SERINC2: variants seen among roughly 807,000 people sequenced by gnomAD.
SERINC2 encodes serine incorporator 2, also known as tumor differentially expressed protein 2.
A neutral mutation model predicts 54.2 loss-of-function variants in SERINC2; 56 were observed. The observed-to-expected ratio is 1.03, with a 90% CI of 0.83 to 1.29. The LOEUF (loss-of-function observed/expected upper bound fraction) is 1.29. Among genes scored for constraint, SERINC2 ranks in the 50% most tolerant of loss-of-function variants. The probability of loss-of-function intolerance (pLI) is 0.00; values close to 1 mark genes in which losing one functional copy is unlikely to be tolerated. For missense variants in SERINC2, 614 were observed against 607.4 expected, an observed-to-expected ratio of 1.01 and a Z score of -0.12; for synonymous variants, 272 against 253.1, an observed-to-expected ratio of 1.07 and a Z score of -0.71.
intron 1 of SERINC2, among the ~76,000 whole-genome samples, chr1:31,418,992 G>A (rs1640843874): frequency 6.6e-6 from 1 of 152,254 alleles, no homozygotes; most frequent in African/African-American, 2.4e-5. Context: ...CCTTGCAGCT[G>A]TAAGGCTCTG....
chr1:31,410,876 T>C (rs191365946), upstream of SERINC2, among the ~76,000 whole-genome samples: 182 of 152,250 alleles, frequency 1.2e-3, 1 homozygote, highest in African/African-American at 4.2e-3. Context: ...AGAGCAGAAG[T>C]GTCCAAGGGA....
intron 1 of SERINC2, among the ~76,000 whole-genome samples, chr1:31,418,406 A>G (rs1449114281): frequency 2.6e-5 from 4 of 151,444 alleles, no homozygotes; most frequent in Non-Finnish European, 5.9e-5. Context: ...AGACGAACTC[A>G]TGCTCTGTCA....
At chr1:31,431,832 T>TAGGGTGGATAGGGTGGAC (rs1557499963) in intron 8 of SERINC2, among the ~76,000 whole-genome samples, 1 of 28,046 alleles carries the variant, frequency 3.6e-5, no homozygotes, top group Admixed American at 4.7e-4. Context: ...ATAGGGTGGA[T>TAGGGTGGATAGGGTGGAC]AGGGTGGATA....
rs149573156 is a variant in SERINC2 at position 31,433,077 on chromosome 1, G to A, written c.1124G>A (p.Arg375Gln). ...CAGCAGGTGGCAGCCTGTGAGGGCCGGGCCTTTGACAACGAGCAGGACGGC... is the reference window on the plus strand; with the variant it reads ...CAGCAGGTGGCAGCCTGTGAGGGCCAGGCCTTTGACAACGAGCAGGACGGC... Reference protein sequence around the residue: ...QQQQVAACEGRAFDNEQDGVT... With the variant: ...QQQQVAACEGQAFDNEQDGVT... The change falls in exon 9 of 10, where the codon CGG becomes CAG. Residue 375 changes from arginine to glutamine, a missense_variant. Physicochemically the swap from Arg to Gln is conservative, Grantham distance 43 (BLOSUM62 1). Transcript: ENST00000373709. 229 of 1,613,468 alleles carry A rather than the reference G, an allele frequency of 1.4e-4. No individual in the cohort carries two copies. The highest frequency in any genetic ancestry group is 4.8e-4 in the African/African-American group (36 of 75,026).
At chr1:31,431,894 A>ATAGGGTGGT (rs1641242393) in intron 8 of SERINC2, among the ~76,000 whole-genome samples, 1 of 115,914 alleles carries the variant, frequency 8.6e-6, no homozygotes, top group African/African-American at 3.4e-5. Flanking sequence ...GACAGGGTGG[A>ATAGGGTGGT]TAGGGTGGAT....
intron 1 of SERINC2, chr1:31,414,405 C>A (rs1422970351): frequency 4.7e-6 from 5 of 1,066,020 alleles, no homozygotes; most frequent in Non-Finnish European, 5.6e-6. Flanking sequence ...ACTCGCTTTC[C>A]TTTGTCCCTG....
Position 31,420,485 on chromosome 1 carries a change from G to T in SERINC2, c.40-3208G>T, listed in dbSNP as rs185464062. On this transcript the variant is annotated intron_variant, in intron 1 of 9. Transcript: ENST00000373709. ...GGGCACCTGGGCACCTGGCTCCTGA[G>T]ATCAGTACCCACTGGCCTCCCTTGG... is the stretch of plus-strand genomic sequence containing the variant. 2.0e-5 allele frequency among the ~76,000 whole-genome samples: 3 copies of T among 152,316 alleles called. No homozygotes were observed. In the East Asian group the frequency reaches 5.8e-4, roughly 29 times the overall value.
At chr1:31,424,275 A>C (rs1640974417) in intron 2 of SERINC2, among the ~76,000 whole-genome samples, 1 of 152,152 alleles carries the variant, frequency 6.6e-6, no homozygotes, top group Non-Finnish European at 1.5e-5. Flanking sequence ...GTTTGTAGAA[A>C]TGCAGATTCT....
At chr1:31,411,101 C>G (rs1640640720), upstream of SERINC2, among the ~76,000 whole-genome samples, 1 of 152,164 alleles carries the variant, frequency 6.6e-6, no homozygotes, top group Non-Finnish European at 1.5e-5. Context: ...AGGCCCTGTA[C>G]TGTGCTCTGG....
At chr1:31,410,188 GCTGA>G (rs1640624517), upstream of SERINC2, 8 of 1,437,028 alleles carry the variant, frequency 5.6e-6, no homozygotes, top group Admixed American at 2.3e-4. Context: ...TCACATAGCT[GCTGA>G]CTGTGACTGT....
At chr1:31,433,766 C>T (rs1157552080) in intron 9 of SERINC2, among the ~76,000 whole-genome samples, 1 of 152,034 alleles carries the variant, frequency 6.6e-6, no homozygotes, top group Non-Finnish European at 1.5e-5. Context: ...AGGTCAGGAG[C>T]TCCAGGGTCC....
chr1:31,413,690 G>A lies in SERINC2; in HGVS notation c.39+386G>A. 2 of 1,115,866 alleles carry A rather than the reference G, an allele frequency of 1.8e-6. No individual in the cohort carries two copies. The highest frequency in any genetic ancestry group is 2.3e-6 in the Non-Finnish European group (2 of 874,044). The allele number at this position is 1,115,866 out of a possible 1,614,324, so 69.1% of individuals were successfully genotyped here. A position where few individuals can be genotyped will look rare whatever the true frequency, so the allele number is the denominator to read the frequency against. On this transcript the variant is annotated intron_variant, in intron 1 of 9. Coordinates refer to ENST00000373709, the MANE Select transcript of SERINC2 (RefSeq NM_178865.5). This position sits in a 1 kb window ranked among gnomAD's most constrained non-coding sequence, Gnocchi z 5.0. ...TCGGGGTGGCCTCTGTCCCCGTCCC[G>A]GACGCCCTGGTTCTCTGTGTAGGTC... is the stretch of plus-strand genomic sequence containing the variant.
intron 1 of SERINC2, among the ~76,000 whole-genome samples, chr1:31,419,497 T>C (rs1320475034): frequency 6.6e-6 from 1 of 152,220 alleles, no homozygotes; most frequent in African/African-American, 2.4e-5. Context: ...TTTTATGGAA[T>C]ACCATGATGT....
chr1:31,432,174 T>TAGGGTGGAC lies in SERINC2; in HGVS notation c.1014-785_1014-784insCAGGGTGGA, dbSNP rs1557501664. On this transcript the variant is annotated intron_variant, in intron 8 of 9. Coordinates refer to ENST00000373709, the MANE Select transcript of SERINC2 (RefSeq NM_178865.5). ...GGGTGGACAGGGTGGATAGGGTGGA[T>TAGGGTGGAC]AGGGTGGATAGGGTGGTTAGAGTGG... Among the ~76,000 whole-genome samples, 101 of 24,384 alleles carry TAGGGTGGAC rather than the reference T, an allele frequency of 4.1e-3. 17 individuals are homozygous for TAGGGTGGAC. The highest frequency in any genetic ancestry group is 9.2e-3 in the Admixed American group (14 of 1,524). The allele number at this position is 24,384 out of a possible 152,430, so 16.0% of individuals were successfully genotyped here. A position where few individuals can be genotyped will look rare whatever the true frequency, so the allele number is the denominator to read the frequency against.
chr1:31,431,842 AGGGT>A (rs1553134543), intron 8 of SERINC2, among the ~76,000 whole-genome samples: 1 of 147,110 alleles, frequency 6.8e-6, no homozygotes, highest in Non-Finnish European at 1.5e-5. Context: ...TAGGGTGGAT[AGGGT>A]GGATAGGGTG....
intron 1 of SERINC2, chr1:31,414,011 G>C: frequency 6.6e-7 from 1 of 1,526,676 alleles, no homozygotes. Context: ...CGCGGAGACT[G>C]GGATGGGAGC....
Position 31,432,979 on chromosome 1 carries a change from A to G in SERINC2, c.1026A>G (p.Ser342=). ...CCCTCCCCTGCAGTCTGCGCTCCTC[A>G]GACCACCGGCAGGTGAACAGCCTGA... The part of the protein sequence containing the change: ...LCTLFISLRS[S]DHRQVNSLMQ... Residue 342 remains serine (S), a synonymous_variant, in exon 9 of 10, where the codon TCA becomes TCG. Transcript: ENST00000373709. The G allele has an allele frequency of 1.9e-6, 3 of 1,611,138 alleles. No homozygotes were observed. The highest frequency in any genetic ancestry group is 2.5e-6 in the Non-Finnish European group (3 of 1,179,326).
At position 31,425,367 on chromosome 1, in the gene SERINC2, A is replaced by G. The variant is rs782145120; in HGVS notation, c.430A>G (p.Thr144Ala). The G allele has an allele frequency of 6.2e-7, 1 of 1,613,430 alleles. No homozygotes were observed. The highest frequency in any genetic ancestry group is 8.5e-7 in the Non-Finnish European group (1 of 1,179,430). Reference sequence around the variant, plus strand: ...TAAGTTCCTGATCCTGGTGGGCCTCACCGTGGGTGCCTTCTACATTCCTGA... The same window carrying G: ...TAAGTTCCTGATCCTGGTGGGCCTCGCCGTGGGTGCCTTCTACATTCCTGA... Reference protein sequence around the residue: ...FFKFLILVGLTVGAFYIPDGS... With the variant: ...FFKFLILVGLAVGAFYIPDGS... Residue 144 changes from threonine (T) to alanine (A), a missense_variant, in exon 4 of 10, where the codon ACC becomes GCC. Physicochemically the swap from Thr to Ala is moderately conservative, Grantham distance 58. Transcript: ENST00000373709.
At chr1:31,423,926 C>A in intron 2 of SERINC2, 72 bp downstream of exon 2, 1 of 1,430,810 alleles carries the variant, frequency 7.0e-7, no homozygotes, top group Middle Eastern at 1.9e-4. Flanking sequence ...AGGGCCCAGG[C>A]TTGGGGTCAC....
Sources: gnomAD v4.1 joint callset for allele counts (sites outside exome capture counted in the v4.1 genomes callset) on GRCh38, gnomAD v4.1.1 for gene constraint, Gnocchi (gnomAD v3.1) non-coding constraint, MANE v1.5 for transcripts, NCBI Gene and HGNC (gene_info 2026-07-23, HGNC 2026-07-21) for gene names.